Variants in KDM4C observed in about 807,000 individuals in gnomAD.
KDM4C encodes the protein lysine-specific demethylase 4C.
A neutral mutation model predicts 129.3 loss-of-function variants in KDM4C; 81 were observed. The ratio of observed to expected loss-of-function variants is 0.63; its 90% CI spans 0.52 to 0.75. The LOEUF (loss-of-function observed/expected upper bound fraction) is 0.75, where lower values mean the gene tolerates loss of function less well. KDM4C is among the 30% of genes least tolerant of loss of function. KDM4C has a pLI of 0.00. For missense variants in KDM4C, 1,457 were observed against 1,304.0 expected (o/e 1.12, Z -1.81); for synonymous variants, 573 against 456.1 (o/e 1.26, Z -3.26).
intron 19 of KDM4C, among the ~76,000 whole-genome samples, chr9:7,162,148 C>T (rs1201117761): frequency 6.6e-6 from 1 of 152,106 alleles, no homozygotes; most frequent in African/African-American, 2.4e-5. Flanking sequence ...AATCGTGCCC[C>T]CTGGTTTTGG....
intron 9 of KDM4C, among the ~76,000 whole-genome samples, chr9:6,982,979 C>T (rs1039884263): frequency 6.6e-6 from 1 of 152,184 alleles, no homozygotes; most frequent in Non-Finnish European, 1.5e-5. Context: ...TTAGGGAAGT[C>T]TGATGAAGGG....
chr9:6,782,572 T>C (rs1358296015), intron 1 of KDM4C, among the ~76,000 whole-genome samples: 2 of 150,602 alleles, frequency 1.3e-5, no homozygotes, highest in African/African-American at 4.8e-5. Context: ...ACGTGACACA[T>C]ATGTCTATAT....
chr9:6,732,321 T>C (rs1276372592), intron 1 of KDM4C, among the ~76,000 whole-genome samples: 109 of 121,420 alleles, frequency 9.0e-4, no homozygotes, highest in Admixed American at 2.0e-3. Context: ...GCTGAGATCA[T>C]GCCACTGCAC....
intron 3 of KDM4C, among the ~76,000 whole-genome samples, chr9:6,812,981 G>T (rs1389244308): frequency 6.6e-6 from 1 of 152,144 alleles, no homozygotes; most frequent in Middle Eastern, 3.2e-3. Flanking sequence ...TTCGAGACCA[G>T]CCTGACCAAC....
At chr9:6,902,319 GA>G (rs1372323852) in intron 8 of KDM4C, among the ~76,000 whole-genome samples, 1 of 152,076 alleles carries the variant, frequency 6.6e-6, no homozygotes, top group Admixed American at 6.6e-5. Flanking sequence ...GAGAGTGTTG[GA>G]AAAGAAATAG....
rs769474093 is a variant in KDM4C at position 7,112,208 on chromosome 9, C to T, written c.2610+8338C>T. On this transcript the variant is annotated intron_variant, in intron 18 of 21. Coordinates refer to ENST00000381309, the MANE Select transcript of KDM4C (RefSeq NM_015061.6). The stretch of plus-strand genomic sequence containing the variant: ...GCGACTTTCCTTCATCCATGTTCCC[C>T]GGGGGATTCCTTGAACTCCTTTGCC... 9.2e-5 allele frequency among the ~76,000 whole-genome samples: 14 copies of T among 152,094 alleles called. No individual in the cohort carries two copies. In the East Asian group the frequency reaches 1.3e-3, roughly 15 times the overall value.
At chr9:7,135,550 G>A (rs574188487) in intron 19 of KDM4C, among the ~76,000 whole-genome samples, 4 of 152,272 alleles carry the variant, frequency 2.6e-5, no homozygotes, top group Non-Finnish European at 1.5e-5. Flanking sequence ...CGGGCACCAT[G>A]AGCCAAATCC....
intron 8 of KDM4C, among the ~76,000 whole-genome samples, chr9:6,894,948 G>A (rs973926782): frequency 1.7e-4 from 26 of 152,222 alleles, no homozygotes; most frequent in African/African-American, 5.8e-4. Flanking sequence ...ACTTAGGTAT[G>A]TGACTATCTG....
At chr9:6,721,211 T>C (rs1816936563) in intron 1 of KDM4C, 2 of 381,456 alleles carry the variant, frequency 5.2e-6, no homozygotes, top group Non-Finnish European at 9.4e-6. Flanking sequence ...GTAGCTGGGA[T>C]TACCAGTGCA....
At position 6,830,109 on chromosome 9, in the gene KDM4C, A is replaced by G. The variant is rs567823760; in HGVS notation, c.435+15364A>G. Among the ~76,000 whole-genome samples, 5 of 152,348 alleles carry G rather than the reference A, an allele frequency of 3.3e-5. No homozygotes were observed. In the East Asian group the frequency reaches 9.6e-4, roughly 29 times the overall value. On this transcript the variant is annotated intron_variant, in intron 4 of 21. Coordinates refer to ENST00000381309, the MANE Select transcript of KDM4C (RefSeq NM_015061.6). The stretch of plus-strand genomic sequence containing the variant: ...TTTTCCTTATTACAGCAAAAAATGT[A>G]AAACAACTTACATGTTACAAAGGAG...
At chr9:7,094,862 G>A in intron 17 of KDM4C, among the ~76,000 whole-genome samples, 1 of 152,144 alleles carries the variant, frequency 6.6e-6, no homozygotes, top group Non-Finnish European at 1.5e-5. Context: ...AAGAGGTTGT[G>A]GCAGGTCACA....
intron 17 of KDM4C, among the ~76,000 whole-genome samples, chr9:7,082,518 G>T (rs1430459144): frequency 6.6e-6 from 1 of 152,166 alleles, no homozygotes; most frequent in Non-Finnish European, 1.5e-5. Flanking sequence ...GGCTTTTTCA[G>T]TAGCCTTATG....
At chr9:6,856,549 T>C (rs1213079876) in intron 5 of KDM4C, among the ~76,000 whole-genome samples, 2 of 135,278 alleles carry the variant, frequency 1.5e-5, no homozygotes, top group East Asian at 2.5e-4. Context: ...CGTGTGTGTG[T>C]GTGTGTGTGT....
At chr9:6,780,071 A>G (rs1588211644) in intron 1 of KDM4C, among the ~76,000 whole-genome samples, 1 of 152,272 alleles carries the variant, frequency 6.6e-6, no homozygotes, top group South Asian at 2.1e-4. Context: ...GGGATACCAT[A>G]CATTCTCTCT....
At chr9:7,173,549 A>T (rs969568921) in intron 21 of KDM4C, among the ~76,000 whole-genome samples, 1 of 152,168 alleles carries the variant, frequency 6.6e-6, no homozygotes, top group Non-Finnish European at 1.5e-5. Context: ...GAGGTACAGC[A>T]TTTATTGCAG....
intron 8 of KDM4C, chr9:6,925,161 C>T: frequency 1.0e-6 from 1 of 985,388 alleles, no homozygotes; most frequent in Admixed American, 6.1e-5. Context: ...CACTGGAAGT[C>T]CTTATCATCG....
At chr9:6,955,331 A>G (rs1293900005) in intron 8 of KDM4C, among the ~76,000 whole-genome samples, 3 of 152,218 alleles carry the variant, frequency 2.0e-5, no homozygotes, top group African/African-American at 7.2e-5. Flanking sequence ...TTGTGTCAGT[A>G]GGTTTTGGTT....
intron 1 of KDM4C, among the ~76,000 whole-genome samples, chr9:6,724,943 A>G (rs1407283311): frequency 2.0e-5 from 3 of 152,162 alleles, no homozygotes; most frequent in Non-Finnish European, 4.4e-5. Flanking sequence ...CTGGGCTGAA[A>G]TCAAGGTGTT....
At chr9:6,748,539 A>G (rs1021118108) in intron 1 of KDM4C, among the ~76,000 whole-genome samples, 5 of 151,886 alleles carry the variant, frequency 3.3e-5, no homozygotes, top group Non-Finnish European at 5.9e-5. Context: ...TATTATTATT[A>G]TTAGTATTAT....
Sources: gnomAD v4.1 joint callset for allele counts (sites outside exome capture counted in the v4.1 genomes callset) on GRCh38, gnomAD v4.1.1 for gene constraint, MANE v1.5 for transcripts, NCBI Gene and HGNC (gene_info 2026-07-23, HGNC 2026-07-21) for gene names.